Variants in ENOX1 observed in about 807,000 individuals in gnomAD.
ENOX1 encodes candidate growth-related and time keeping constitutive hydroquinone (NADH) oxidase.
In ENOX1, 42 loss-of-function variants were observed where a neutral mutation model predicts 82.5. The observed-to-expected ratio is 0.51, with a 90% CI of 0.40 to 0.66. ENOX1 has a LOEUF of 0.66. Among genes scored for constraint, ENOX1 ranks in the 30% least tolerant of loss-of-function variants. The pLI is 0.00. For synonymous variants in ENOX1, 271 were observed against 282.2 expected, an observed-to-expected ratio of 0.96 and a Z score of 0.40; for missense variants, 608 against 811.6, an observed-to-expected ratio of 0.75 and a Z score of 3.05.
At chr13:43,311,424 C>G (rs1318691107) in intron 11 of ENOX1, among the ~76,000 whole-genome samples, 1 of 151,952 alleles carries the variant, frequency 6.6e-6, no homozygotes, top group Non-Finnish European at 1.5e-5. Flanking sequence ...TTAGTTCTTC[C>G]TAGTTTTAAT....
chr13:43,352,718 G>C (rs768502507), intron 8 of ENOX1, among the ~76,000 whole-genome samples: 2 of 152,112 alleles, frequency 1.3e-5, no homozygotes, highest in Non-Finnish European at 2.9e-5. Flanking sequence ...CAGGCACTGG[G>C]TGACTCCATG....
rs183857823 is a variant in ENOX1, at chr13:43,648,920, A to G, written c.-219+18559T>C. 1.5e-3 allele frequency among the ~76,000 whole-genome samples: 223 copies of G among 152,326 alleles called. 1 individual carries two copies. The highest frequency in any genetic ancestry group is 5.1e-3 in the African/African-American group (210 of 41,570). ...TGATAGATTTCCCTGTGCTGGCTGC[A>G]ACCTGTATCAGCGACACTGGCTCTG... On this transcript the variant is annotated intron_variant, in intron 2 of 16. Coordinates refer to ENST00000690772, the MANE Select transcript of ENOX1 (RefSeq NM_001347969.2).
intron 2 of ENOX1, among the ~76,000 whole-genome samples, chr13:43,564,826 G>T (rs775562286): frequency 1.3e-5 from 2 of 151,972 alleles, no homozygotes; most frequent in Non-Finnish European, 2.9e-5. Flanking sequence ...GGCTTTCCAG[G>T]CTGGTCCCTG....
intron 14 of ENOX1, among the ~76,000 whole-genome samples, chr13:43,241,953 G>T (rs1473058179): frequency 2.0e-5 from 3 of 152,102 alleles, no homozygotes; most frequent in Admixed American, 2.0e-4. Context: ...CAAGAAAATG[G>T]CTTCCCTGCC....
intron 1 of ENOX1, among the ~76,000 whole-genome samples, chr13:43,720,789 C>A (rs1000151113): frequency 6.6e-6 from 1 of 152,082 alleles, no homozygotes; most frequent in African/African-American, 2.4e-5. Flanking sequence ...TCCAGTGGAT[C>A]CACAATGGGT....
intron 2 of ENOX1, among the ~76,000 whole-genome samples, chr13:43,510,306 A>T (rs2077319963): frequency 6.6e-6 from 1 of 152,140 alleles, no homozygotes; most frequent in African/African-American, 2.4e-5. Context: ...GGTTGTTACT[A>T]ACATTGTAAT....
intron 3 of ENOX1, among the ~76,000 whole-genome samples, chr13:43,451,225 C>A (rs555487980): frequency 6.6e-6 from 1 of 152,250 alleles, no homozygotes; most frequent in Admixed American, 6.5e-5. Context: ...TATACTTGGT[C>A]TTATTTTGCT....
At chr13:43,599,181 C>T (rs4941466) in intron 2 of ENOX1, among the ~76,000 whole-genome samples, 83,086 of 151,908 alleles carry the variant, frequency 0.55, 26,536 homozygotes, top group Non-Finnish European at 0.74. Context: ...GACAACTATT[C>T]ACACCCAAAA....
intron 2 of ENOX1, among the ~76,000 whole-genome samples, chr13:43,616,117 GATCTATAGATATCTATCTATC>G (rs2082415906): frequency 6.7e-5 from 1 of 14,974 alleles, no homozygotes; most frequent in Non-Finnish European, 1.5e-4. Flanking sequence ...GATATCTATA[GATCTATAGATATCTATCTATC>G]TAGATATCTA....
chr13:43,241,153 CT>C (rs1198612697), intron 14 of ENOX1, among the ~76,000 whole-genome samples: 3 of 152,292 alleles, frequency 2.0e-5, no homozygotes, highest in East Asian at 1.9e-4. Flanking sequence ...GGTTTTGCTC[CT>C]TTCTTAAAAA....
intron 2 of ENOX1, among the ~76,000 whole-genome samples, chr13:43,565,186 G>A (rs912004983): frequency 6.6e-6 from 1 of 152,156 alleles, no homozygotes; most frequent in South Asian, 2.1e-4. Context: ...ACAGCTGAAT[G>A]ATGAAGCAGA....
chr13:43,615,728 G>A (rs915240172), intron 2 of ENOX1, among the ~76,000 whole-genome samples: 7 of 151,944 alleles, frequency 4.6e-5, no homozygotes, highest in African/African-American at 7.3e-5. Flanking sequence ...TTCTCCTAAT[G>A]CTATCCCTCC....
intron 12 of ENOX1, among the ~76,000 whole-genome samples, chr13:43,284,337 A>G (rs1481685208): frequency 1.3e-5 from 2 of 151,340 alleles, no homozygotes; most frequent in African/African-American, 4.8e-5. Context: ...ATGGCATACC[A>G]CCCTATGTTT....
At chr13:43,248,997 A>C (rs1169131611) in intron 14 of ENOX1, among the ~76,000 whole-genome samples, 1 of 152,178 alleles carries the variant, frequency 6.6e-6, no homozygotes, top group Non-Finnish European at 1.5e-5. Flanking sequence ...CAATTTCTTA[A>C]TGTTTCCCAT....
chr13:43,307,909 G>A (rs941159178), intron 11 of ENOX1, among the ~76,000 whole-genome samples: 8 of 152,342 alleles, frequency 5.3e-5, no homozygotes, highest in East Asian at 3.9e-4. Flanking sequence ...GCCCTTGACC[G>A]GGCCCCGGGA....
intron 3 of ENOX1, among the ~76,000 whole-genome samples, chr13:43,470,348 A>ATATG (rs1566306989): frequency 2.2e-5 from 1 of 44,712 alleles, no homozygotes; most frequent in Non-Finnish European, 4.0e-5. Flanking sequence ...ATACGTATAT[A>ATATG]TATATGTATA....
intron 2 of ENOX1, among the ~76,000 whole-genome samples, chr13:43,568,314 C>T (rs1273218325): frequency 2.0e-5 from 3 of 152,148 alleles, no homozygotes; most frequent in Non-Finnish European, 4.4e-5. Context: ...ACACATTGCC[C>T]ACAGAGAGTG....
chr13:43,500,138 T>C (rs949653611), intron 2 of ENOX1, among the ~76,000 whole-genome samples: 2 of 152,034 alleles, frequency 1.3e-5, no homozygotes, highest in Admixed American at 1.3e-4. Flanking sequence ...AACTAATATA[T>C]GCATTATGGG....
chr13:43,545,995 A>C (rs1461486356), intron 2 of ENOX1: 1 of 152,206 alleles, frequency 6.6e-6, no homozygotes, highest in African/African-American at 2.4e-5. Context: ...TTATGTTTCA[A>C]ACATAAAATA....
Sources: allele counts gnomAD v4.1 joint callset (sites outside exome capture counted in the v4.1 genomes callset), GRCh38; gene constraint gnomAD v4.1.1; transcripts MANE v1.5; gene names NCBI Gene and HGNC (gene_info 2026-07-23, HGNC 2026-07-21).